VWA5B1: variants seen among roughly 807,000 people sequenced by gnomAD.
The protein encoded by VWA5B1 is von Willebrand factor A domain-containing protein 5B1.
VWA5B1 carries 115 observed loss-of-function variants against 118.2 expected under a neutral mutation model. The observed-to-expected ratio is 0.97, with a 90% CI of 0.84 to 1.14. The LOEUF (loss-of-function observed/expected upper bound fraction) is 1.14. VWA5B1 is among the 50% of genes most tolerant of loss of function. The probability of loss-of-function intolerance (pLI) is 0.00; values close to 1 mark genes in which losing one functional copy is unlikely to be tolerated. For missense variants in VWA5B1, 1,596 were observed against 1,603.8 expected (o/e 1.00, Z 0.08); for synonymous variants, 682 against 658.4 (o/e 1.04, Z -0.55).
intron 15 of VWA5B1, 28 bp downstream of exon 15, chr1:20,342,637 A>C (rs2089906819): frequency 2.1e-6 from 3 of 1,447,900 alleles, no homozygotes; most frequent in South Asian, 3.0e-5. Flanking sequence ...CCAGGACCCA[A>C]CTGGGGACAG....
rs1246391666 is a variant in VWA5B1, at chr1:20,354,403, G to C, written c.*140G>C. ...GAAAGAGCCCTGGACTGGCAGCCAG[G>C]AGGCCTGAGTTCAATCCCAACTTTG... is the stretch of plus-strand genomic sequence containing the variant. On this transcript the variant is annotated 3_prime_UTR_variant, in exon 22 of 22. Coordinates refer to ENST00000289815, the MANE Select transcript of VWA5B1 (RefSeq NM_001039500.3). 1 of 1,150,750 alleles carries C rather than the reference G, an allele frequency of 8.7e-7. No individual in the cohort carries two copies. 71.3% of individuals were successfully genotyped at this position (1,150,750 alleles called of 1,614,324 possible).
At chr1:20,329,488 T>A (rs1376537767) in intron 9 of VWA5B1, among the ~76,000 whole-genome samples, 1 of 151,948 alleles carries the variant, frequency 6.6e-6, no homozygotes, top group East Asian at 1.9e-4. Flanking sequence ...TTTATATTTT[T>A]AATAAAGACA....
Position 20,358,407 on chromosome 1 carries a change from TC to T in VWA5B1, c.*4148del, listed in dbSNP as rs1212604738. ...CCTTATTTGAGGGCCATGCTACTGT[TC>T]CCCTTCTCTCTTCCTTGGCAGGGAC... is the stretch of plus-strand genomic sequence containing the variant. On this transcript the variant is annotated 3_prime_UTR_variant, in exon 22 of 22. Transcript: ENST00000289815. Among the ~76,000 whole-genome samples the T allele has an allele frequency of 6.6e-6, 1 of 152,150 alleles. No individual in the cohort carries two copies. Among genetic ancestry groups the T allele is most frequent in the African/African-American group, 2.4e-5 (1 of 41,418 alleles).
chr1:20,325,346 T>G (rs1247813093), intron 8 of VWA5B1, among the ~76,000 whole-genome samples: 1 of 152,248 alleles, frequency 6.6e-6, no homozygotes, highest in Non-Finnish European at 1.5e-5. Context: ...AAGCTGATTT[T>G]CAACTCTGGG....
chr1:20,315,126 C>A (rs1441732807), intron 4 of VWA5B1, among the ~76,000 whole-genome samples: 6 of 152,206 alleles, frequency 3.9e-5, no homozygotes, highest in Admixed American at 2.6e-4. Context: ...GGGGCTGGAC[C>A]AGGCTTCTCC....
At position 20,354,205 on chromosome 1, in the gene VWA5B1, G is replaced by C. The variant is rs763723423; in HGVS notation, c.3590G>C (p.Arg1197Pro). 9.9e-5 allele frequency: 154 copies of C among 1,551,118 alleles called. No homozygotes were observed. Among genetic ancestry groups the C allele is most frequent in the Non-Finnish European group, 1.3e-4 (148 of 1,146,994 alleles). Residue 1197 changes from arginine (R) to proline (P), a missense_variant, in exon 22 of 22, where the codon CGG (arginine) becomes CCG (proline). By Grantham distance (103) the Arg-to-Pro change is moderately radical. Coordinates refer to ENST00000289815, the MANE Select transcript of VWA5B1 (RefSeq NM_001039500.3). Reference protein sequence around the residue: ...AAARQLFVLLRHWDENLEFNM... With the variant: ...AAARQLFVLLPHWDENLEFNM... Reference sequence around the variant, plus strand: ...GCCCGCCAGCTGTTTGTGCTTCTGCGGCACTGGGATGAGAATCTCGAGTTC... The same window carrying C: ...GCCCGCCAGCTGTTTGTGCTTCTGCCGCACTGGGATGAGAATCTCGAGTTC...
rs1557440643 is a variant in VWA5B1, at chr1:20,342,590, C to T, written c.2292C>T (p.Ser764=). Residue 764 remains serine (S), a synonymous_variant, in exon 15 of 22, where the codon AGC becomes AGT. Transcript: ENST00000289815. ...CTGTGAGAGAGCGGACTTCTGACAGCCGAAGCCCTGGAGATCTGGGTAAGT... is the reference window on the plus strand; with the variant it reads ...CTGTGAGAGAGCGGACTTCTGACAGTCGAAGCCCTGGAGATCTGGGTAAGT... ...WSPVRERTSD[S]RSPGDLEPSH... The T allele has an allele frequency of 6.7e-7, 1 of 1,498,128 alleles. No individual in the cohort carries two copies. 92.8% of individuals were successfully genotyped at this position (1,498,128 alleles called of 1,614,324 possible).
rs2089511472 is a variant in VWA5B1 at position 20,330,347 on chromosome 1, G to T, written c.1422G>T (p.Val474=). 1.3e-6 allele frequency: 2 copies of T among 1,551,676 alleles called. No individual in the cohort carries two copies. Among genetic ancestry groups the T allele is most frequent in the African/African-American group, 1.4e-5 (1 of 73,058 alleles). Reference sequence around the variant, plus strand: ...GCGCTGTCAACAACACAGGGAAGGTGCTGGAGCTGGTGCGAAATCACGCCT... The same window carrying T: ...GCGCTGTCAACAACACAGGGAAGGTTCTGGAGCTGGTGCGAAATCACGCCT... ...TDGAVNNTGK[V]LELVRNHAFS... Residue 474 remains valine, a synonymous_variant, in exon 10 of 22, where the codon GTG becomes GTT. Coordinates refer to ENST00000289815, the MANE Select transcript of VWA5B1 (RefSeq NM_001039500.3).
intron 1 of VWA5B1, among the ~76,000 whole-genome samples, chr1:20,295,100 G>A (rs2088379587): frequency 6.6e-6 from 1 of 152,134 alleles, no homozygotes; most frequent in African/African-American, 2.4e-5. Context: ...ATAAAGGGGT[G>A]GGGAAAGGCT....
Position 20,348,272 on chromosome 1 carries a change from G to A in VWA5B1, c.2792G>A (p.Arg931Gln), listed in dbSNP as rs1227520189. The A allele has an allele frequency of 6.4e-6, 10 of 1,551,634 alleles. No individual in the cohort carries two copies. The highest frequency in any genetic ancestry group is 3.9e-5 in the Admixed American group (2 of 51,000). The change falls in exon 18 of 22, where the codon CGG (arginine) becomes CAG (glutamine). Residue 931 changes from arginine (R) to glutamine (Q), a missense_variant. By Grantham distance (43) the Arg-to-Gln change is conservative. Transcript: ENST00000289815. ...SGAALRMLGS[R>Q]ALAQQWRGTS... is the part of the protein sequence containing the mutation. The stretch of plus-strand genomic sequence containing the variant: ...GCTGCCCTGCGTATGCTTGGCTCTC[G>A]GGCCCTGGCCCAACAGTGGAGGGGC...
At chr1:20,321,957 A>C (rs1340264637) in intron 7 of VWA5B1, among the ~76,000 whole-genome samples, 3 of 152,208 alleles carry the variant, frequency 2.0e-5, no homozygotes, top group Non-Finnish European at 4.4e-5. Flanking sequence ...GAGAATGACA[A>C]GAACAGTCGC....
At chr1:20,335,786 C>A (rs748806600) in intron 12 of VWA5B1, among the ~76,000 whole-genome samples, 7 of 151,902 alleles carry the variant, frequency 4.6e-5, no homozygotes, top group Non-Finnish European at 7.4e-5. Flanking sequence ...CATTGAGTGG[C>A]GAAGGTGGAG....
In VWA5B1 at chr1:20,338,025, C is replaced by T. The variant is rs746106314; in HGVS notation, c.2133+189C>T. ...ACACCTTCCAAATCAGGACACCCACCGGTCAATAAGCTCGCTCATTCCCTG... is the reference window on the plus strand; with the variant it reads ...ACACCTTCCAAATCAGGACACCCACTGGTCAATAAGCTCGCTCATTCCCTG... On this transcript the variant is annotated intron_variant, in intron 14 of 21. Coordinates refer to ENST00000289815, the MANE Select transcript of VWA5B1 (RefSeq NM_001039500.3). 38 of 749,950 alleles carry T rather than the reference C, an allele frequency of 5.1e-5. 1 individual carries two copies. The highest frequency in any genetic ancestry group is 4.1e-4 in the South Asian group (28 of 67,578). The allele number at this position is 749,950 out of a possible 1,614,324, so 46.5% of individuals were successfully genotyped here.
Position 20,356,909 on chromosome 1 carries a change from G to C in VWA5B1, c.*2646G>C, listed in dbSNP as rs775861739. 7.2e-5 allele frequency among the ~76,000 whole-genome samples: 11 copies of C among 152,284 alleles called. No individual in the cohort carries two copies. The South Asian group carries it at 2.1e-3, about 29-fold the overall frequency. On this transcript the variant is annotated 3_prime_UTR_variant, in exon 22 of 22. Coordinates refer to ENST00000289815, the MANE Select transcript of VWA5B1 (RefSeq NM_001039500.3). ...CGGGACTGCTAGGCAGAGGACCTAG[G>C]GGACTCGCTTTAAGGAAAAGATAAG...
intron 13 of VWA5B1, among the ~76,000 whole-genome samples, chr1:20,336,689 G>C (rs1282311599): frequency 1.3e-5 from 2 of 152,202 alleles, no homozygotes; most frequent in Non-Finnish European, 2.9e-5. Context: ...TACAGACAAA[G>C]AGTCCGGATC....
At position 20,331,119 on chromosome 1, in the gene VWA5B1, T is replaced by C. The variant is rs1377725948; in HGVS notation, c.1572+136T>C. 1.4e-5 allele frequency: 10 copies of C among 714,042 alleles called. No individual in the cohort carries two copies. In the East Asian group the frequency reaches 2.8e-4, roughly 20 times the overall value. 44.2% of individuals were successfully genotyped at this position (714,042 alleles called of 1,614,324 possible). On this transcript the variant is annotated intron_variant, in intron 11 of 21. Transcript: ENST00000289815. ...TTCACTAGGCCACACTGCATCCCAA[T>C]GAGAACCAGAGACTTGCAAGCCACA... is the stretch of plus-strand genomic sequence containing the variant.
rs57894456 is a variant in VWA5B1 at position 20,291,387 on chromosome 1, T to TCTCTCTCTCTCTCTCTCTCTCTCTCTA, written c.-27+299_-27+300insCTCTCTCTCTCTCTCTCTCTCTCTCTA. 1.7e-3 allele frequency among the ~76,000 whole-genome samples: 192 copies of TCTCTCTCTCTCTCTCTCTCTCTCTCTA among 114,180 alleles called. 3 individuals are homozygous for TCTCTCTCTCTCTCTCTCTCTCTCTCTA. The highest frequency in any genetic ancestry group is 7.5e-3 in the African/African-American group (179 of 23,998). 74.9% of individuals were successfully genotyped at this position (114,180 alleles called of 152,430 possible). A position where few individuals can be genotyped will look rare whatever the true frequency, so the allele number is the denominator to read the frequency against. ...TCTCTCTCTCTCTCTCTCTCTCTCT[T>TCTCTCTCTCTCTCTCTCTCTCTCTCTA]TCTGTCTCCTCTATTTCTCTCCCTC... On this transcript the variant is annotated intron_variant, in intron 1 of 21. Transcript: ENST00000289815.
intron 4 of VWA5B1, among the ~76,000 whole-genome samples, chr1:20,316,576 G>C (rs1402273336): frequency 6.6e-6 from 1 of 152,176 alleles, no homozygotes; most frequent in East Asian, 1.9e-4. Context: ...ATAGATTAAA[G>C]ACCTTAGGGG....
chr1:20,310,439 C>T, intron 1 of VWA5B1, 137 bp from the exon 2 acceptor site: 1 of 865,908 alleles, frequency 1.2e-6, no homozygotes, highest in Non-Finnish European at 1.6e-6. Flanking sequence ...TCACTTCCTT[C>T]CCAGGAACTG....
Sources: allele counts gnomAD v4.1 joint callset (sites outside exome capture counted in the v4.1 genomes callset), GRCh38; gene constraint gnomAD v4.1.1; transcripts MANE v1.5; gene names NCBI Gene and HGNC (gene_info 2026-07-23, HGNC 2026-07-21).